PRTG: variants seen among roughly 807,000 people sequenced by gnomAD.
PRTG encodes the protein protogenin, also known as immunoglobulin superfamily, DCC subclass, member 5.
A neutral mutation model predicts 122.5 loss-of-function variants in PRTG; 67 were observed. That is an observed-to-expected ratio of 0.55 (90% confidence interval 0.45 to 0.67). The LOEUF is 0.67. PRTG is among the 30% of genes least tolerant of loss of function. PRTG has a pLI of 0.00. For synonymous variants in PRTG, 554 were observed against 501.1 expected (o/e 1.11, Z -1.41); for missense variants, 1,435 against 1,415.4 (o/e 1.01, Z -0.22).
intron 2 of PRTG, among the ~76,000 whole-genome samples, chr15:55,705,283 A>G (rs117898478): frequency 0.015 from 2,249 of 152,268 alleles, 30 homozygotes; most frequent in Admixed American, 0.019. Flanking sequence ...TAGGACACAT[A>G]CATTCATGCA....
At chr15:55,625,021 T>C (rs1567072861) in intron 17 of PRTG, among the ~76,000 whole-genome samples, 1 of 152,226 alleles carries the variant, frequency 6.6e-6, no homozygotes. Context: ...CATAATGTTT[T>C]GAGTAGTATG....
chr15:55,635,076 T>TGTGTGTGTGTGC (rs1367381380), intron 15 of PRTG, among the ~76,000 whole-genome samples: 1 of 88,112 alleles, frequency 1.1e-5, no homozygotes, highest in Non-Finnish European at 2.4e-5. Context: ...TGGTTCTGGG[T>TGTGTGTGTGTGC]GTGTGTGTGT....
intron 15 of PRTG, among the ~76,000 whole-genome samples, chr15:55,629,375 A>ATATGTGTGTGTGTG (rs1374294067): frequency 1.0e-4 from 5 of 47,936 alleles, no homozygotes; most frequent in Non-Finnish European, 1.7e-4. Context: ...ATATATATAT[A>ATATGTGTGTGTGTG]TGTGTGTGTG....
In PRTG at chr15:55,680,074, A is replaced by G. The variant is rs1288920195; in HGVS notation, c.953T>C (p.Met318Thr). ...CATACCTAATACAGTTAAAGTTGCC[A>G]TAGCAACTGTAAAGTTGCGTGTGCC... Reference protein sequence around the residue: ...TPGTRNFTVAMATLTVLAPPS... With the variant: ...TPGTRNFTVATATLTVLAPPS... The change falls in exon 6 of 20, where the codon ATG becomes ACG. Residue 318 changes from methionine (M) to threonine (T), a missense_variant. Met to Thr is a moderately conservative substitution (Grantham distance 81). Coordinates refer to ENST00000389286, the MANE Select transcript of PRTG (RefSeq NM_173814.6). 1.2e-6 allele frequency: 2 copies of G among 1,613,768 alleles called. No individual in the cohort carries two copies. Among genetic ancestry groups the G allele is most frequent in the Non-Finnish European group, 1.7e-6 (2 of 1,179,744 alleles).
At chr15:55,681,576 A>G (rs1350833917) in intron 4 of PRTG, 2 of 152,138 alleles carry the variant, frequency 1.3e-5, no homozygotes, top group African/African-American at 2.4e-5. Context: ...TAATTTTTGC[A>G]TTAAGATTGA....
At chr15:55,717,477 C>A (rs1420951862) in intron 2 of PRTG, among the ~76,000 whole-genome samples, 1 of 152,162 alleles carries the variant, frequency 6.6e-6, no homozygotes, top group African/African-American at 2.4e-5. Context: ...CTGGGATTTA[C>A]CATCTGAAAG....
At chr15:55,678,282 C>G (rs925403118) in intron 7 of PRTG, among the ~76,000 whole-genome samples, 93 of 152,280 alleles carry the variant, frequency 6.1e-4, no homozygotes, top group African/African-American at 2.0e-3. Context: ...CACTCTGTAA[C>G]CCAGGCTGAA....
rs1231901022 is a variant in PRTG at position 55,615,415 on chromosome 15, A to C, written c.*4597T>G. 1.3e-5 allele frequency: 2 copies of C among 152,138 alleles called. No homozygotes were observed. Among genetic ancestry groups the C allele is most frequent in the Non-Finnish European group, 2.9e-5 (2 of 67,996 alleles). 9.4% of individuals were successfully genotyped at this position (152,138 alleles called of 1,614,324 possible). A position where few individuals can be genotyped will look rare whatever the true frequency, so the allele number is the denominator to read the frequency against. On this transcript the variant is annotated 3_prime_UTR_variant, in exon 20 of 20. Transcript: ENST00000389286. Reference sequence around the variant, plus strand: ...AACACCATCAACGGCTTAAAAAGGGAAATTGAGAAGATTAAAGCCTGAAAC... The same window carrying C: ...AACACCATCAACGGCTTAAAAAGGGCAATTGAGAAGATTAAAGCCTGAAAC...
At chr15:55,661,938 C>T (rs1290572378) in intron 11 of PRTG, among the ~76,000 whole-genome samples, 2 of 151,264 alleles carry the variant, frequency 1.3e-5, no homozygotes, top group Non-Finnish European at 2.9e-5. Flanking sequence ...ATTTTGTTCA[C>T]ATTTTTCACC....
intron 2 of PRTG, among the ~76,000 whole-genome samples, chr15:55,714,545 T>C (rs1055183026): frequency 1.3e-4 from 19 of 147,278 alleles, no homozygotes; most frequent in South Asian, 4.4e-4. Context: ...TATCCCCCCC[T>C]TTTTTTTTTA....
At chr15:55,699,255 A>G (rs2059648921) in intron 2 of PRTG, among the ~76,000 whole-genome samples, 1 of 152,132 alleles carries the variant, frequency 6.6e-6, no homozygotes, top group Non-Finnish European at 1.5e-5. Context: ...TAACTGTTAA[A>G]CTGTTAACTG....
Position 55,611,998 on chromosome 15 carries a change from T to C in PRTG, c.*8014A>G, listed in dbSNP as rs2059122318. On this transcript the variant is annotated 3_prime_UTR_variant, in exon 20 of 20. Coordinates refer to ENST00000389286, the MANE Select transcript of PRTG (RefSeq NM_173814.6). ...AACTGGCTCCCACACTTTCATTTAA[T>C]TCACATCTTTGAAGAAAATAGAAAA... 1 of 142,722 alleles carries C rather than the reference T, an allele frequency of 7.0e-6. No homozygotes were observed. Among genetic ancestry groups the C allele is most frequent in the Admixed American group, 7.2e-5 (1 of 13,886 alleles). 8.8% of individuals were successfully genotyped at this position (142,722 alleles called of 1,614,324 possible).
intron 2 of PRTG, among the ~76,000 whole-genome samples, chr15:55,726,409 A>G (rs1488949755): frequency 2.0e-5 from 3 of 152,210 alleles, no homozygotes; most frequent in Admixed American, 6.5e-5. Context: ...AGACGCAAAT[A>G]GATAGAATGG....
chr15:55,624,639 T>C (rs1228931230), intron 17 of PRTG, 132 bp from the exon 18 acceptor site: 2 of 637,202 alleles, frequency 3.1e-6, no homozygotes, highest in East Asian at 6.0e-5. Context: ...ATTTTTAGAA[T>C]CGAGTGTTAG....
chr15:55,669,840 T>A (rs1320094807), intron 11 of PRTG, among the ~76,000 whole-genome samples: 3 of 152,216 alleles, frequency 2.0e-5, no homozygotes, highest in Non-Finnish European at 4.4e-5. Flanking sequence ...ATCAGTCCAA[T>A]CACTCAATAT....
chr15:55,655,947 A>G (rs1317027784), intron 11 of PRTG: 1 of 153,314 alleles, frequency 6.5e-6, no homozygotes, highest in Non-Finnish European at 1.5e-5. Flanking sequence ...AGACATTTTA[A>G]TGTATTTGCT....
rs573321782 is a variant in PRTG, at chr15:55,702,066, AC to A, written c.398-18136del. ...ATTCATAGAACTATAGATTTGAAAGACAGAATTTACTATATGTAAACTTTAA... is the reference window on the plus strand; with the variant it reads ...ATTCATAGAACTATAGATTTGAAAGAAGAATTTACTATATGTAAACTTTAA... On this transcript the variant is annotated intron_variant, in intron 2 of 19. Transcript: ENST00000389286. 1.9e-3 allele frequency among the ~76,000 whole-genome samples: 290 copies of A among 152,342 alleles called. 1 individual carries two copies. Among genetic ancestry groups the A allele is most frequent in the Non-Finnish European group, 3.1e-3 (212 of 68,036 alleles).
At chr15:55,671,595 G>A (rs2059472074) in intron 11 of PRTG, among the ~76,000 whole-genome samples, 1 of 152,000 alleles carries the variant, frequency 6.6e-6, no homozygotes, top group East Asian at 1.9e-4. Flanking sequence ...ACCACCCAGG[G>A]TGAAGCTATT....
intron 2 of PRTG, among the ~76,000 whole-genome samples, chr15:55,700,824 A>G (rs2059659437): frequency 6.6e-6 from 1 of 152,184 alleles, no homozygotes; most frequent in African/African-American, 2.4e-5. Flanking sequence ...TACTGTTAAG[A>G]GAATGAAAGA....
Sources: gnomAD v4.1 joint callset for allele counts (sites outside exome capture counted in the v4.1 genomes callset) on GRCh38, gnomAD v4.1.1 for gene constraint, MANE v1.5 for transcripts, NCBI Gene and HGNC (gene_info 2026-07-23, HGNC 2026-07-21) for gene names.